The following ETHE1 variants were observed in gnomAD, a reference collection of about 807,000 sequenced individuals.
The protein encoded by ETHE1 is ETHE1 persulfide dioxygenase.
A neutral mutation model predicts 25.7 loss-of-function variants in ETHE1; 16 were observed. The ratio of observed to expected loss-of-function variants is 0.62; its 90% confidence interval spans 0.42 to 0.95. The LOEUF is 0.95. ETHE1 is among the 40% of genes least tolerant of loss of function. ETHE1 has a pLI of 0.00. For synonymous variants in ETHE1, 139 were observed against 135.9 expected, an observed-to-expected ratio of 1.02 and a Z score of -0.16; for missense variants, 300 against 333.6, an observed-to-expected ratio of 0.90 and a Z score of 0.79.
At chr19:43,511,803 T>C (rs1406459140) in intron 3 of ETHE1, among the ~76,000 whole-genome samples, 1 of 152,070 alleles carries the variant, frequency 6.6e-6, no homozygotes, top group Admixed American at 6.6e-5. Flanking sequence ...ACAAATAATA[T>C]CTGACCTCTG....
chr19:43,509,057 G>A (rs1036442722), intron 4 of ETHE1, among the ~76,000 whole-genome samples, 193 bp from the exon 5 acceptor site: 7 of 152,218 alleles, frequency 4.6e-5, no homozygotes, highest in Non-Finnish European at 1.5e-5. Context: ...ACAAAGAATT[G>A]AGGAATGTCA....
chr19:43,516,245 A>T (rs1175932531), intron 3 of ETHE1, among the ~76,000 whole-genome samples: 1 of 151,984 alleles, frequency 6.6e-6, no homozygotes, highest in Non-Finnish European at 1.5e-5. Context: ...ATCTACACAT[A>T]CCCTGTGGCT....
chr19:43,511,394 G>A (rs779942192), intron 4 of ETHE1, 43 bp downstream of exon 4: 101 of 1,613,658 alleles, frequency 6.3e-5, no homozygotes, highest in Non-Finnish European at 3.2e-5. Flanking sequence ...TGACACACAC[G>A]TAACTATATG....
chr19:43,515,966 G>T (rs1972011810), intron 3 of ETHE1, among the ~76,000 whole-genome samples: 1 of 152,148 alleles, frequency 6.6e-6, no homozygotes, highest in Non-Finnish European at 1.5e-5. Context: ...AGATACACTG[G>T]ACGTAGGGAT....
intron 3 of ETHE1, 60 bp downstream of exon 3, chr19:43,526,141 T>C (rs1317158844): frequency 6.8e-6 from 11 of 1,612,972 alleles, no homozygotes; most frequent in Non-Finnish European, 9.3e-6. Flanking sequence ...CAGTCCCCTC[T>C]TCCCTTAAGT....
chr19:43,521,842 T>C (rs1005199822), intron 3 of ETHE1, among the ~76,000 whole-genome samples: 3 of 152,158 alleles, frequency 2.0e-5, no homozygotes, highest in Admixed American at 6.6e-5. Context: ...TTCATGACAA[T>C]GTTCCCTAAG....
chr19:43,524,568 T>C (rs1042540551), intron 3 of ETHE1, among the ~76,000 whole-genome samples: 21 of 151,980 alleles, frequency 1.4e-4, no homozygotes, highest in African/African-American at 4.6e-4. Flanking sequence ...TCGAAATAGA[T>C]AAATTATATG....
intron 3 of ETHE1, among the ~76,000 whole-genome samples, chr19:43,518,612 G>A (rs537650851): frequency 9.2e-5 from 14 of 151,654 alleles, no homozygotes; most frequent in Admixed American, 6.6e-4. Flanking sequence ...TTAGCTGGGC[G>A]TGGTGGTGGG....
chr19:43,523,672 C>T lies in ETHE1; in HGVS notation c.375+2529G>A, dbSNP rs151023468. ...CAGACAAGCCAGCCATGGTGGCTCA[C>T]GCCTATAATCCCAGCACTTTGGGGA... On this transcript the variant is annotated intron_variant, in intron 3 of 6. Coordinates refer to ENST00000292147, the MANE Select transcript of ETHE1 (RefSeq NM_014297.5). 3.2e-3 allele frequency among the ~76,000 whole-genome samples: 487 copies of T among 152,176 alleles called. 3 individuals are homozygous for T. Among genetic ancestry groups the T allele is most frequent in the African/African-American group, 0.01 (429 of 41,536 alleles).
rs77783109 is a variant in ETHE1, at chr19:43,510,859, G to A, written c.505+578C>T. On this transcript the variant is annotated intron_variant, in intron 4 of 6. Coordinates refer to ENST00000292147, the MANE Select transcript of ETHE1 (RefSeq NM_014297.5). ...CTGGGCTGTGCAGAAGGTGGTGAGCGGTGGGTGAGTGAGCAAAGCTTCATC... is the reference window on the plus strand; with the variant it reads ...CTGGGCTGTGCAGAAGGTGGTGAGCAGTGGGTGAGTGAGCAAAGCTTCATC... 1.9e-3 allele frequency among the ~76,000 whole-genome samples: 286 copies of A among 152,110 alleles called. 8 individuals are homozygous for A. In the East Asian group the frequency reaches 0.046, roughly 25 times the overall value.
intron 5 of ETHE1, 127 bp from the exon 6 acceptor site, chr19:43,508,187 C>T (rs1461592425): frequency 4.8e-6 from 7 of 1,448,848 alleles, no homozygotes; most frequent in Non-Finnish European, 6.5e-6. Context: ...CCTAAAATTG[C>T]TTTCCCTCCT....
chr19:43,518,751 CAAAA>C (rs34214132), intron 3 of ETHE1, among the ~76,000 whole-genome samples: 6 of 77,590 alleles, frequency 7.7e-5, no homozygotes, highest in South Asian at 5.0e-4. Flanking sequence ...ACTCTTGTCT[CAAAA>C]AAAAAAAAAA....
chr19:43,513,756 C>G (rs1971966388), intron 3 of ETHE1, among the ~76,000 whole-genome samples: 1 of 149,036 alleles, frequency 6.7e-6, no homozygotes, highest in Non-Finnish European at 1.5e-5. Context: ...GAATCTCACT[C>G]TGTCACCCAG....
At position 43,508,051 on chromosome 19, in the gene ETHE1, A is replaced by G. The variant is rs773009938; in HGVS notation, c.605T>C (p.Val202Ala). The G allele has an allele frequency of 1.9e-6, 3 of 1,613,924 alleles. No individual in the cohort carries two copies. Among genetic ancestry groups the G allele is most frequent in the Non-Finnish European group, 2.5e-6 (3 of 1,179,972 alleles). Residue 202 changes from valine (V) to alanine (A), a missense_variant, in exon 6 of 7, where the codon GTG (valine) becomes GCG (alanine). Transcript: ENST00000292147. ...YPAHDYHGFT[V>A]STVEEERTLN... ...AGTCCTCTCCTCCTCCACGGTGGAC[A>G]CTGTGAACCCTAGGGGCCAAGGGAG... is the stretch of plus-strand genomic sequence containing the variant.
intron 3 of ETHE1, among the ~76,000 whole-genome samples, chr19:43,515,865 C>T (rs1421287985): frequency 1.3e-5 from 2 of 152,054 alleles, no homozygotes; most frequent in Admixed American, 6.6e-5. Context: ...CGTGAGCCAC[C>T]GTGACCGGCC....
At chr19:43,522,701 G>C (rs890544374) in intron 3 of ETHE1, among the ~76,000 whole-genome samples, 2 of 152,074 alleles carry the variant, frequency 1.3e-5, no homozygotes, top group African/African-American at 4.8e-5. Context: ...GGCTGGTCTC[G>C]AACTCCTGAC....
At chr19:43,525,322 C>T (rs1972219805) in intron 3 of ETHE1, among the ~76,000 whole-genome samples, 1 of 152,178 alleles carries the variant, frequency 6.6e-6, no homozygotes, top group Non-Finnish European at 1.5e-5. Context: ...TGTAGCTGAA[C>T]TCTCTTCCCA....
chr19:43,511,888 A>G (rs1434698888), intron 3 of ETHE1, among the ~76,000 whole-genome samples: 1 of 152,042 alleles, frequency 6.6e-6, no homozygotes, highest in African/African-American at 2.4e-5. Context: ...TAATCCTCAT[A>G]TGTCATGGGA....
chr19:43,526,784 C>CCGGGAGT (rs1391639538), intron 1 of ETHE1, 125 bp from the exon 2 acceptor site: 4 of 1,542,602 alleles, frequency 2.6e-6, no homozygotes, highest in East Asian at 2.4e-5. Flanking sequence ...CACTCTTTCC[C>CCGGGAGT]CGGGAGTCGG....
Sources: allele counts gnomAD v4.1 joint callset (sites outside exome capture counted in the v4.1 genomes callset), GRCh38; gene constraint gnomAD v4.1.1; transcripts MANE v1.5; gene names NCBI Gene and HGNC (gene_info 2026-07-23, HGNC 2026-07-21).